Variants in ERC2 observed in about 807,000 individuals in gnomAD.
ERC2 encodes ERC protein 2.
A neutral mutation model predicts 114.8 loss-of-function variants in ERC2; 42 were observed. That is an observed-to-expected ratio of 0.37 (90% CI 0.29 to 0.47). The LOEUF (loss-of-function observed/expected upper bound fraction) is 0.47. Among genes scored for constraint, ERC2 ranks in the 20% least tolerant of loss-of-function variants. The pLI, the probability that ERC2 is intolerant of heterozygous loss-of-function variation, is 0.99. For missense variants in ERC2, 939 were observed against 1,150.7 expected (o/e 0.82, Z 2.66); for synonymous variants, 454 against 425.5 (o/e 1.07, Z -0.82).
chr3:55,920,395 C>T (rs58092526), intron 13 of ERC2, among the ~76,000 whole-genome samples: 42,809 of 148,552 alleles, frequency 0.29, 7,029 homozygotes, highest in Non-Finnish European at 0.35. Context: ...TCTAGTTACA[C>T]ATACACACAG....
At chr3:55,961,909 C>T (rs2068410681) in intron 12 of ERC2, among the ~76,000 whole-genome samples, 1 of 150,298 alleles carries the variant, frequency 6.7e-6, no homozygotes. Flanking sequence ...TTGACTTCTA[C>T]CAGATCTAAC....
intron 6 of ERC2, among the ~76,000 whole-genome samples, chr3:56,089,594 T>G (rs1029968430): frequency 6.6e-6 from 1 of 152,138 alleles, no homozygotes; most frequent in Non-Finnish European, 1.5e-5. Context: ...AGCTTTTTTT[T>G]AATACTTTTA....
At chr3:55,600,117 T>C (rs1034942563) in intron 17 of ERC2, among the ~76,000 whole-genome samples, 3 of 152,150 alleles carry the variant, frequency 2.0e-5, no homozygotes, top group African/African-American at 7.2e-5. Flanking sequence ...TGTAATCTTG[T>C]GAAGTTATCC....
intron 15 of ERC2, among the ~76,000 whole-genome samples, chr3:55,707,925 A>G (rs545319591): frequency 6.6e-6 from 1 of 152,222 alleles, no homozygotes. Flanking sequence ...GGATTAAGCA[A>G]CTAATCAGAG....
At chr3:55,815,494 C>T (rs536497213) in intron 14 of ERC2, among the ~76,000 whole-genome samples, 31 of 152,250 alleles carry the variant, frequency 2.0e-4, no homozygotes, top group African/African-American at 7.2e-4. Flanking sequence ...GGAGCGGCCA[C>T]GTGGAAAACA....
intron 17 of ERC2, among the ~76,000 whole-genome samples, chr3:55,575,924 C>T (rs1441250205): frequency 3.9e-5 from 6 of 152,164 alleles, no homozygotes; most frequent in African/African-American, 1.4e-4. Context: ...TCCCCACTTA[C>T]AAAGGAGTAA....
At chr3:56,460,773 T>G (rs536175748) in intron 1 of ERC2, among the ~76,000 whole-genome samples, 1 of 152,206 alleles carries the variant, frequency 6.6e-6, no homozygotes, top group South Asian at 2.1e-4. Flanking sequence ...GCCATTGTTA[T>G]GGTAACTTAT....
intron 17 of ERC2, among the ~76,000 whole-genome samples, chr3:55,620,826 A>G (rs2059296390): frequency 6.6e-6 from 1 of 152,166 alleles, no homozygotes; most frequent in African/African-American, 2.4e-5. Flanking sequence ...TAAATCCTCA[A>G]GCTGCTCCTA....
chr3:55,550,434 G>A (rs1194750874), intron 17 of ERC2, among the ~76,000 whole-genome samples: 2 of 152,182 alleles, frequency 1.3e-5, no homozygotes, highest in African/African-American at 4.8e-5. Context: ...CAGCACCAGG[G>A]ATGATGTGCA....
At chr3:56,068,287 A>T (rs1351554054) in intron 7 of ERC2, among the ~76,000 whole-genome samples, 2 of 152,000 alleles carry the variant, frequency 1.3e-5, no homozygotes, top group Non-Finnish European at 2.9e-5. Flanking sequence ...GTGTCCAGGA[A>T]TTTCTCCATT....
rs78554658 is a variant in ERC2, at chr3:56,211,818, C to G, written c.1075-38298G>C. On this transcript the variant is annotated intron_variant, in intron 3 of 17. Coordinates refer to ENST00000288221, the MANE Select transcript of ERC2 (RefSeq NM_015576.3). ...AGCCAAATACTTACGGCCAACTGAA[C>G]TTTAACAAACCAAACAAAAACACAA... Among the ~76,000 whole-genome samples, 3,310 of 152,224 alleles carry G rather than the reference C, an allele frequency of 0.022. 300 individuals carry two copies. The East Asian group carries it at 0.28, about 13-fold the overall frequency.
intron 17 of ERC2, among the ~76,000 whole-genome samples, chr3:55,526,581 C>A (rs1037490616): frequency 1.3e-5 from 2 of 152,196 alleles, no homozygotes; most frequent in African/African-American, 4.8e-5. Flanking sequence ...TATTTGTCCA[C>A]AGGCAACAGT....
chr3:56,279,828 A>G (rs1869158), intron 3 of ERC2, among the ~76,000 whole-genome samples: 49,325 of 152,118 alleles, frequency 0.32, 9,399 homozygotes, highest in Middle Eastern at 0.45. Flanking sequence ...AGGCAGACTC[A>G]AAAGTGTGTA....
chr3:56,307,889 A>G (rs888260579), intron 2 of ERC2, among the ~76,000 whole-genome samples: 1 of 151,892 alleles, frequency 6.6e-6, no homozygotes, highest in South Asian at 2.1e-4. Flanking sequence ...GACAGTTTCT[A>G]ATTTTCATAA....
At chr3:55,529,523 T>C (rs532053921) in intron 17 of ERC2, among the ~76,000 whole-genome samples, 6 of 152,278 alleles carry the variant, frequency 3.9e-5, no homozygotes, top group Non-Finnish European at 5.9e-5. Flanking sequence ...ATATGCAAGA[T>C]AAAGAATTCC....
chr3:55,711,845 G>A (rs2063794327), intron 15 of ERC2, among the ~76,000 whole-genome samples: 1 of 152,136 alleles, frequency 6.6e-6, no homozygotes, highest in South Asian at 2.1e-4. Context: ...TTTCTATAAT[G>A]TGCTAGGAAA....
chr3:56,177,674 A>C (rs771665189), intron 3 of ERC2, among the ~76,000 whole-genome samples: 2 of 152,152 alleles, frequency 1.3e-5, no homozygotes, highest in Admixed American at 6.5e-5. Context: ...ATAACCACTT[A>C]TTGAGAGGAA....
intron 2 of ERC2, among the ~76,000 whole-genome samples, chr3:56,409,500 C>G (rs1249153432): frequency 7.3e-6 from 1 of 136,964 alleles, no homozygotes; most frequent in Non-Finnish European, 1.5e-5. Context: ...CCAATTATAC[C>G]AAACTAAAGC....
chr3:55,692,678 C>A (rs527594633), intron 16 of ERC2, among the ~76,000 whole-genome samples: 8 of 152,196 alleles, frequency 5.3e-5, no homozygotes, highest in Admixed American at 4.6e-4. Flanking sequence ...TATTTAGGGA[C>A]CAGAAATCTC....
Sources: gnomAD v4.1 joint callset for allele counts (sites outside exome capture counted in the v4.1 genomes callset) on GRCh38, gnomAD v4.1.1 for gene constraint, MANE v1.5 for transcripts, NCBI Gene and HGNC (gene_info 2026-07-23, HGNC 2026-07-21) for gene names.